The following HOMER2 variants were observed in gnomAD, a reference collection of about 807,000 sequenced individuals.
HOMER2 encodes the protein homer scaffold protein 2, also known as homer protein homolog 2.
Under a neutral mutation model 47.0 loss-of-function variants are expected in HOMER2, and 27 were observed. The observed-to-expected ratio is 0.57, with a 90% confidence interval of 0.42 to 0.79. The LOEUF is 0.79. HOMER2 is among the 30% of genes least tolerant of loss of function. The probability of loss-of-function intolerance (pLI) is 0.00; values close to 1 mark genes in which losing one functional copy is unlikely to be tolerated. For missense variants in HOMER2, 443 were observed against 435.0 expected, an observed-to-expected ratio of 1.02 and a Z score of -0.16; for synonymous variants, 161 against 163.8, an observed-to-expected ratio of 0.98 and a Z score of 0.13.
chr15:82,849,703 C>T lies in HOMER2; in HGVS notation c.*12G>A. On this transcript the variant is annotated 3_prime_UTR_variant, in exon 9 of 9. Coordinates refer to ENST00000450735, the MANE Select transcript of HOMER2 (RefSeq NM_004839.4). ...TTGGGACTCACGGGCGGGGCCTGGGCCTCGGCCAGCCCTAGTTATCGGTGC... is the reference window on the plus strand; with the variant it reads ...TTGGGACTCACGGGCGGGGCCTGGGTCTCGGCCAGCCCTAGTTATCGGTGC... 1 of 1,609,492 alleles carries T rather than the reference C, an allele frequency of 6.2e-7. No homozygotes were observed. Among genetic ancestry groups the T allele is most frequent in the Non-Finnish European group, 8.5e-7 (1 of 1,178,000 alleles).
chr15:82,864,374 C>T (rs912704586), intron 3 of HOMER2, 115 bp from the exon 4 acceptor site: 20 of 627,282 alleles, frequency 3.2e-5, no homozygotes, highest in African/African-American at 2.6e-4. Flanking sequence ...TGTATAAATC[C>T]AGAAGAATTT....
intron 1 of HOMER2, among the ~76,000 whole-genome samples, chr15:82,902,996 G>C (rs1043868712): frequency 1.3e-5 from 2 of 152,176 alleles, no homozygotes; most frequent in Non-Finnish European, 2.9e-5. Context: ...ATGATCGGTT[G>C]ATCTTCCACT....
rs369672907 is a variant in HOMER2, at chr15:82,849,863, C to T, written c.884G>A (p.Arg295His). The T allele has an allele frequency of 1.7e-5, 27 of 1,613,946 alleles. No individual in the cohort carries two copies. The highest frequency in any genetic ancestry group is 5.3e-5 in the African/African-American group (4 of 75,056). ...CTCCTCAATGTCTGTCTTTAAGGAA[C>T]GCACTTTGTCTTCCAGGTTTTGATT... Reference protein sequence around the residue: ...RDNQNLEDKVRSLKTDIEESK... With the variant: ...RDNQNLEDKVHSLKTDIEESK... Residue 295 changes from arginine (R) to histidine (H), a missense_variant, in exon 9 of 9, where the codon CGT becomes CAT. Transcript: ENST00000450735.
At chr15:82,901,601 G>A (rs984208008) in intron 1 of HOMER2, among the ~76,000 whole-genome samples, 19 of 152,292 alleles carry the variant, frequency 1.2e-4, no homozygotes, top group South Asian at 6.2e-4. Flanking sequence ...GTGCACTCAA[G>A]AGATCAGCAA....
At chr15:82,873,865 C>T (rs571557392) in intron 3 of HOMER2, among the ~76,000 whole-genome samples, 8 of 152,244 alleles carry the variant, frequency 5.3e-5, no homozygotes, top group East Asian at 1.9e-4. Context: ...CGGATCTGTG[C>T]GCTGGGGACC....
At chr15:82,894,440 T>A (rs2151104090) in intron 1 of HOMER2, among the ~76,000 whole-genome samples, 4 of 152,134 alleles carry the variant, frequency 2.6e-5, no homozygotes, top group Middle Eastern at 6.8e-3. Flanking sequence ...AATAGTCCCA[T>A]TGTTGCGGAT....
rs2051890470 is a variant in HOMER2, at chr15:82,864,235, T to C, written c.319A>G (p.Lys107Glu). 6.2e-7 allele frequency: 1 copy of C among 1,612,428 alleles called. No individual in the cohort carries two copies. The highest frequency in any genetic ancestry group is 8.5e-7 in the Non-Finnish European group (1 of 1,179,242). The change falls in exon 4 of 9, where the codon AAA becomes GAA. Residue 107 changes from lysine to glutamate, a missense_variant. Transcript: ENST00000450735. ...TCTTTGGCTATCTTGGCAGCTTCTT[T>C]CACCTCCTGGAATTTCTCTGCAAAC... is the stretch of plus-strand genomic sequence containing the variant. ...TKFAEKFQEV[K>E]EAAKIAKDKT...
chr15:82,876,119 C>T (rs1309980386), intron 2 of HOMER2, among the ~76,000 whole-genome samples: 2 of 152,146 alleles, frequency 1.3e-5, no homozygotes, highest in Non-Finnish European at 2.9e-5. Context: ...GGCAACCTCA[C>T]AGGAGTGGGG....
At chr15:82,855,179 A>C (rs1302015107) in intron 5 of HOMER2, among the ~76,000 whole-genome samples, 1 of 152,036 alleles carries the variant, frequency 6.6e-6, no homozygotes. Context: ...TACTAAAAAT[A>C]CAAAAAAATG....
chr15:82,858,619 A>G (rs2051666752), intron 5 of HOMER2, among the ~76,000 whole-genome samples: 2 of 152,136 alleles, frequency 1.3e-5, no homozygotes, highest in African/African-American at 4.8e-5. Flanking sequence ...ATAGATAAAT[A>G]AATGATAAAT....
chr15:82,925,996 C>G (rs1307179947), intron 1 of HOMER2: 1 of 152,200 alleles, frequency 6.6e-6, no homozygotes, highest in Non-Finnish European at 1.5e-5. Context: ...GATGGTTCTT[C>G]CAGCTGGGCT....
At chr15:82,974,126 C>T (rs1042333224) in intron 1 of HOMER2, among the ~76,000 whole-genome samples, 1 of 151,928 alleles carries the variant, frequency 6.6e-6, no homozygotes, top group African/African-American at 2.4e-5. Context: ...AAAGATCAGC[C>T]AGCCGTGGTA....
At chr15:82,985,693 G>C (rs1237119324) in intron 1 of HOMER2, 1 of 152,236 alleles carries the variant, frequency 6.6e-6, no homozygotes, top group African/African-American at 2.4e-5. Flanking sequence ...CAAGACTCTT[G>C]GAAGTAGCTG....
At chr15:82,924,493 A>C (rs191171257) in intron 1 of HOMER2, among the ~76,000 whole-genome samples, 1 of 150,498 alleles carries the variant, frequency 6.6e-6, no homozygotes, top group East Asian at 2.0e-4. Context: ...CTTCACTTTT[A>C]TCTTCTTCAA....
At chr15:82,975,590 T>C (rs1235546101) in intron 1 of HOMER2, among the ~76,000 whole-genome samples, 1 of 152,192 alleles carries the variant, frequency 6.6e-6, no homozygotes, top group African/African-American at 2.4e-5. Flanking sequence ...GTCATTACAT[T>C]AAGTGAAATA....
downstream of HOMER2, among the ~76,000 whole-genome samples, chr15:82,836,549 A>G (rs1365613058): frequency 6.6e-6 from 1 of 152,002 alleles, no homozygotes; most frequent in Non-Finnish European, 1.5e-5. Context: ...TTAGGTCTCA[A>G]CCCCACAGCC....
upstream of HOMER2, among the ~76,000 whole-genome samples, chr15:82,953,898 T>A (rs151071766): frequency 6.1e-3 from 926 of 150,910 alleles, 9 homozygotes; most frequent in South Asian, 0.041. Flanking sequence ...ATAAATAAAT[T>A]AATTAATTAA....
Position 82,851,215 on chromosome 15 carries a change from C to G in HOMER2, c.779G>C (p.Arg260Pro). ...CTGAGGTATGATTTCACTTTGTTTT[C>G]GGAGATCTTTCAGCTCCTACATGAA... ...REKETELKDLRKQSEIIPQLM... is the reference protein window; with the variant it reads ...REKETELKDLPKQSEIIPQLM... The change falls in exon 8 of 9, where the codon CGA becomes CCA. Residue 260 changes from arginine (R) to proline (P), a missense_variant. Coordinates refer to ENST00000450735, the MANE Select transcript of HOMER2 (RefSeq NM_004839.4). 1 of 1,562,974 alleles carries G rather than the reference C, an allele frequency of 6.4e-7. No homozygotes were observed. The highest frequency in any genetic ancestry group is 8.7e-7 in the Non-Finnish European group (1 of 1,152,004).
In HOMER2 at chr15:82,852,293, A is replaced by C. The variant is rs995152290; in HGVS notation, c.652-41T>G. 16 of 1,378,770 alleles carry C rather than the reference A, an allele frequency of 1.2e-5. No individual in the cohort carries two copies. The African/African-American group carries it at 1.7e-4, about 15-fold the overall frequency. 85.4% of individuals were successfully genotyped at this position (1,378,770 alleles called of 1,614,324 possible). A position where few individuals can be genotyped will look rare whatever the true frequency, so the allele number is the denominator to read the frequency against. ...CACAGGAAAGCAGGGACGCCAGCTT[A>C]ACATTAGTCATTAAGCAAGAGATCA... is the stretch of plus-strand genomic sequence containing the variant. On this transcript the variant is annotated intron_variant, in intron 6 of 8. Coordinates refer to ENST00000450735, the MANE Select transcript of HOMER2 (RefSeq NM_004839.4).
Sources: gnomAD v4.1 joint callset for allele counts (sites outside exome capture counted in the v4.1 genomes callset) on GRCh38, gnomAD v4.1.1 for gene constraint, MANE v1.5 for transcripts, NCBI Gene and HGNC (gene_info 2026-07-23, HGNC 2026-07-21) for gene names.